Variants in MRPS15 observed in about 807,000 individuals in gnomAD.
MRPS15 encodes the protein mitochondrial ribosomal protein S15.
A neutral mutation model predicts 30.7 loss-of-function variants in MRPS15; 25 were observed. The ratio of observed to expected loss-of-function variants is 0.81; its 90% CI spans 0.59 to 1.14. MRPS15 has a LOEUF of 1.14. MRPS15 is among the 50% of genes most tolerant of loss of function. The probability of loss-of-function intolerance (pLI) is 0.00; values close to 1 mark genes in which losing one functional copy is unlikely to be tolerated. For synonymous variants in MRPS15, 124 were observed against 120.1 expected, an observed-to-expected ratio of 1.03 and a Z score of -0.21; for missense variants, 313 against 321.7, an observed-to-expected ratio of 0.97 and a Z score of 0.21.
chr1:36,460,127 C>T (rs918383394), intron 5 of MRPS15, among the ~76,000 whole-genome samples: 1 of 152,204 alleles, frequency 6.6e-6, no homozygotes, highest in African/African-American at 2.4e-5. Context: ...TCTCCTGCCT[C>T]AGCCCCAGTA....
In MRPS15 at chr1:36,457,975, G is replaced by A. The variant is rs1193383672; in HGVS notation, c.392C>T (p.Ala131Val). 6.2e-7 allele frequency: 1 copy of A among 1,614,158 alleles called. No homozygotes were observed. Reference sequence around the variant, plus strand: ...ATAACTGCGGATCTTGACAGACAAGGCAATAACTGAAACCACAAACCACAG... The same window carrying A: ...ATAACTGCGGATCTTGACAGACAAGACAATAACTGAAACCACAAACCACAG... ...DTRSLEARII[A>V]LSVKIRSYEE... Residue 131 changes from alanine to valine, a missense_variant, in exon 6 of 8, where the codon GCC (alanine) becomes GTC (valine). Physicochemically the swap from Ala to Val is moderately conservative, Grantham distance 64 (BLOSUM62 0). Transcript: ENST00000373116.
chr1:36,460,787 C>T lies in MRPS15; in HGVS notation c.301-11G>A. On this transcript the variant is annotated splice_polypyrimidine_tract_variant and intron_variant, in intron 4 of 7. Coordinates refer to ENST00000373116, the MANE Select transcript of MRPS15 (RefSeq NM_031280.4). Reference sequence around the variant, plus strand: ...TTTTAGCATCTCCTTCTGTTGAAGACAGAGACAGAGAAAATCTGTGGAGTC... The same window carrying T: ...TTTTAGCATCTCCTTCTGTTGAAGATAGAGACAGAGAAAATCTGTGGAGTC... 6.2e-7 allele frequency: 1 copy of T among 1,611,174 alleles called. No homozygotes were observed. The highest frequency in any genetic ancestry group is 8.5e-7 in the Non-Finnish European group (1 of 1,177,400).
Position 36,456,033 on chromosome 1 carries a change from C to T in MRPS15, c.637-108G>A, listed in dbSNP as rs187548261. On this transcript the variant is annotated intron_variant, in intron 7 of 7. Transcript: ENST00000373116. ...CCCCCAGATGGTAACCCCAGCCTTT[C>T]TCCATGGGGTTGGTGGCCTGTGACC... 1.3e-5 allele frequency: 20 copies of T among 1,500,406 alleles called. No homozygotes were observed. In the African/African-American group the frequency reaches 2.8e-4, roughly 21 times the overall value. 92.9% of individuals were successfully genotyped at this position (1,500,406 alleles called of 1,614,324 possible). A position where few individuals can be genotyped will look rare whatever the true frequency, so the allele number is the denominator to read the frequency against.
Position 36,462,153 on chromosome 1 carries a change from C to T in MRPS15, c.186G>A (p.Arg62=), listed in dbSNP as rs1268128704. Residue 62 remains arginine, a synonymous_variant, in exon 3 of 8, where the codon AGG becomes AGA. Coordinates refer to ENST00000373116, the MANE Select transcript of MRPS15 (RefSeq NM_031280.4). ...TAGAGGGAGGTGGGTCATCATCCAG[C>T]CTAGACTGGGCTGTCAAGTAAATAT... ...GYVVRKPAQS[R]LDDDPPPSTL... is the part of the protein sequence containing the mutation. 7 of 1,612,460 alleles carry T rather than the reference C, an allele frequency of 4.3e-6. No homozygotes were observed. Among genetic ancestry groups the T allele is most frequent in the Non-Finnish European group, 5.9e-6 (7 of 1,178,904 alleles).
intron 7 of MRPS15, 116 bp downstream of exon 7, chr1:36,456,071 T>C: frequency 9.1e-6 from 13 of 1,436,138 alleles, no homozygotes; most frequent in Non-Finnish European, 1.2e-5. Flanking sequence ...CCTGGATCCA[T>C]TCCAGGGCCT....
chr1:36,463,034 C>G (rs1650128979), intron 2 of MRPS15, among the ~76,000 whole-genome samples: 1 of 152,118 alleles, frequency 6.6e-6, no homozygotes, highest in Non-Finnish European at 1.5e-5. Context: ...GCACGATCGG[C>G]TCACTGCAAC....
At chr1:36,462,750 C>A (rs1378811668) in intron 2 of MRPS15, among the ~76,000 whole-genome samples, 1 of 152,130 alleles carries the variant, frequency 6.6e-6, no homozygotes, top group South Asian at 2.1e-4. Context: ...CATTAATGGG[C>A]CTCTTCTGTC....
chr1:36,464,027 C>G, intron 1 of MRPS15, 119 bp downstream of exon 1: 4 of 1,519,512 alleles, frequency 2.6e-6, no homozygotes, highest in Non-Finnish European at 3.6e-6. Context: ...TGCGCAACCA[C>G]CGCCCTTTCC....
chr1:36,461,930 C>T (rs1433039718), intron 3 of MRPS15, among the ~76,000 whole-genome samples, 158 bp downstream of exon 3: 1 of 152,076 alleles, frequency 6.6e-6, no homozygotes, highest in Admixed American at 6.5e-5. Context: ...GCCTTGCTGA[C>T]CACCCACCCT....
intron 3 of MRPS15, 50 bp downstream of exon 3, chr1:36,462,038 C>G: frequency 6.6e-7 from 1 of 1,519,154 alleles, no homozygotes; most frequent in African/African-American, 1.4e-5. Flanking sequence ...CACTCCCCGA[C>G]AATCCTCCCA....
chr1:36,463,610 C>G lies in MRPS15; in HGVS notation c.175+196G>C, dbSNP rs1337240308. Among the ~76,000 whole-genome samples the G allele has an allele frequency of 3.9e-5, 6 of 152,200 alleles. No individual in the cohort carries two copies. In the East Asian group the frequency reaches 9.6e-4, roughly 24 times the overall value. ...CTCATTCACCTGGAAAGCTCCTGCTCCCGCCCTTCACACCCCTCTGTCCCC... is the reference window on the plus strand; with the variant it reads ...CTCATTCACCTGGAAAGCTCCTGCTGCCGCCCTTCACACCCCTCTGTCCCC... On this transcript the variant is annotated intron_variant, in intron 2 of 7. Transcript: ENST00000373116.
chr1:36,463,324 G>A (rs1029844509), intron 2 of MRPS15, among the ~76,000 whole-genome samples: 2 of 152,148 alleles, frequency 1.3e-5, no homozygotes, highest in African/African-American at 4.8e-5. Flanking sequence ...CAGCGTTAAG[G>A]GTGCTTTTCG....
At position 36,463,822 on chromosome 1, in the gene MRPS15, A is replaced by T; in HGVS notation, c.159T>A (p.Tyr53Ter). ...RSLLLQAARGYVVRKPAQSRL... is the reference protein window; with the variant it reads ...RSLLLQAARG Reference sequence around the variant, plus strand: ...AACTCCTACCTGGTTTCCGGACGACATATCCGCGCGCGGCCTGGAGGAGGA... The same window carrying T: ...AACTCCTACCTGGTTTCCGGACGACTTATCCGCGCGCGGCCTGGAGGAGGA... Residue 53 changes from tyrosine (Y) to a stop codon, truncating the protein, a stop_gained, in exon 2 of 8, where the codon TAT becomes TAA. Transcript: ENST00000373116. LOFTEE classifies it high-confidence loss of function. 6.2e-7 allele frequency: 1 copy of T among 1,612,656 alleles called. No individual in the cohort carries two copies. Among genetic ancestry groups the T allele is most frequent in the Non-Finnish European group, 8.5e-7 (1 of 1,179,170 alleles).
chr1:36,464,091 A>ACTCCTGTGCT, intron 1 of MRPS15, 55 bp downstream of exon 1: 1 of 1,595,360 alleles, frequency 6.3e-7, no homozygotes, highest in Admixed American at 1.7e-5. Context: ...CTTATTCCCT[A>ACTCCTGTGCT]TCTTCGCCGA....
rs1212584392 is a variant in MRPS15 at position 36,464,313 on chromosome 1, G to T, written c.-38C>A. The T allele has an allele frequency of 1.3e-6, 2 of 1,590,712 alleles. No homozygotes were observed. The highest frequency in any genetic ancestry group is 2.7e-5 in the African/African-American group (2 of 73,934). On this transcript the variant is annotated 5_prime_UTR_variant, in exon 1 of 8. Transcript: ENST00000373116. ...CCCCCGCGGGGCCCGCGCCGCGGCC[G>T]CCGTTCGCTTTGCGGCACGGACCGG...
At chr1:36,463,334 G>T (rs1159672729) in intron 2 of MRPS15, among the ~76,000 whole-genome samples, 1 of 152,192 alleles carries the variant, frequency 6.6e-6, no homozygotes, top group Non-Finnish European at 1.5e-5. Context: ...GGTGCTTTTC[G>T]TGTATTATCG....
intron 3 of MRPS15, 56 bp downstream of exon 3, chr1:36,462,032 C>A: frequency 6.8e-7 from 1 of 1,474,994 alleles, no homozygotes; most frequent in South Asian, 1.2e-5. Context: ...TTTCCCCACT[C>A]CCCGACAATC....
intron 6 of MRPS15, 76 bp from the exon 7 acceptor site, chr1:36,456,454 A>T: frequency 7.6e-7 from 1 of 1,318,984 alleles, no homozygotes; most frequent in Admixed American, 2.7e-5. Context: ...TGGTCATTTT[A>T]TCATTTCACT....
chr1:36,456,102 A>G (rs1264862300), intron 7 of MRPS15, 85 bp downstream of exon 7: 1 of 1,514,006 alleles, frequency 6.6e-7, no homozygotes, highest in African/African-American at 1.4e-5. Context: ...CCATGCCTCT[A>G]ACAGAAACAG....
Sources: allele counts gnomAD v4.1 joint callset (sites outside exome capture counted in the v4.1 genomes callset), GRCh38; gene constraint gnomAD v4.1.1; transcripts MANE v1.5; gene names NCBI Gene and HGNC (gene_info 2026-07-23, HGNC 2026-07-21).